The following PRKAR2A variants were observed in gnomAD, a reference collection of about 807,000 sequenced individuals.
The protein encoded by PRKAR2A is cAMP-dependent protein kinase type II-alpha regulatory subunit.
Under a neutral mutation model 51.9 loss-of-function variants are expected in PRKAR2A, and 29 were observed. The ratio of observed to expected loss-of-function variants is 0.56; its 90% CI spans 0.42 to 0.76. PRKAR2A has a LOEUF of 0.76. PRKAR2A is among the 30% of genes least tolerant of loss of function. The pLI, the probability that PRKAR2A is intolerant of heterozygous loss-of-function variation, is 0.00. For synonymous variants in PRKAR2A, 178 were observed against 186.2 expected (o/e 0.96, Z 0.36); for missense variants, 445 against 512.1 (o/e 0.87, Z 1.26).
In PRKAR2A at chr3:48,751,535, G is replaced by C. The variant is rs2081647385; in HGVS notation, c.*50C>G. ...TGTTTTCTGTATGTGTTCTGTGGCT[G>C]ACCAGAAGGTTTTGGTGTCACACTA... is the stretch of plus-strand genomic sequence containing the variant. On this transcript the variant is annotated 3_prime_UTR_variant, in exon 11 of 11. Coordinates refer to ENST00000265563, the MANE Select transcript of PRKAR2A (RefSeq NM_004157.4). 6.2e-7 allele frequency: 1 copy of C among 1,602,134 alleles called. No homozygotes were observed. Among genetic ancestry groups the C allele is most frequent in the Non-Finnish European group, 8.5e-7 (1 of 1,172,074 alleles).
chr3:48,835,065 G>A (rs1254479291), intron 1 of PRKAR2A, among the ~76,000 whole-genome samples: 4 of 150,638 alleles, frequency 2.7e-5, no homozygotes, highest in African/African-American at 9.8e-5. Flanking sequence ...TCCGCCTCCC[G>A]GGTTCAAGTG....
chr3:48,815,946 A>C (rs2082867547), intron 1 of PRKAR2A, among the ~76,000 whole-genome samples: 1 of 148,836 alleles, frequency 6.7e-6, no homozygotes, highest in Non-Finnish European at 1.5e-5. Flanking sequence ...TTGAACCCAG[A>C]AGGTGGTGGT....
At chr3:48,789,487 T>C (rs1410174117) in intron 4 of PRKAR2A, among the ~76,000 whole-genome samples, 1 of 151,382 alleles carries the variant, frequency 6.6e-6, no homozygotes, top group African/African-American at 2.4e-5. Flanking sequence ...TCATTCTTAT[T>C]CTATTTTTTT....
At chr3:48,769,248 C>T (rs1330315948) in intron 6 of PRKAR2A, among the ~76,000 whole-genome samples, 1 of 150,536 alleles carries the variant, frequency 6.6e-6, no homozygotes, top group Non-Finnish European at 1.5e-5. Context: ...AGCTCCGCCT[C>T]CCTGGTTCAC....
intron 3 of PRKAR2A, among the ~76,000 whole-genome samples, chr3:48,791,265 G>A (rs539643213): frequency 2.8e-5 from 3 of 108,378 alleles, no homozygotes; most frequent in Non-Finnish European, 5.2e-5. Context: ...CCAGCCTAGC[G>A]ACAGAGAGAG....
intron 6 of PRKAR2A, 120 bp downstream of exon 6, chr3:48,772,835 G>T: frequency 9.5e-7 from 1 of 1,052,194 alleles, no homozygotes; most frequent in Non-Finnish European, 1.3e-6. Context: ...GTAGAGATGG[G>T]GTTTCACCGT....
rs144817855 is a variant in PRKAR2A, at chr3:48,774,128, C to T, written c.543-1020G>A. The stretch of plus-strand genomic sequence containing the variant: ...GATTAAAGGCATGAGCCACCATGCC[C>T]GGCCTAATTTTTTTTCTTTTATTAA... On this transcript the variant is annotated intron_variant, in intron 5 of 10. Coordinates refer to ENST00000265563, the MANE Select transcript of PRKAR2A (RefSeq NM_004157.4). Among the ~76,000 whole-genome samples the T allele has an allele frequency of 3.9e-3, 591 of 152,088 alleles. 3 individuals carry two copies. The highest frequency in any genetic ancestry group is 5.6e-3 in the Non-Finnish European group (378 of 68,014).
At chr3:48,755,804 AG>A in intron 9 of PRKAR2A, among the ~76,000 whole-genome samples, 1 of 102,586 alleles carries the variant, frequency 9.7e-6, no homozygotes, top group South Asian at 3.0e-4. Context: ...TTTTTGACGG[AG>A]TCTCGCTCTG....
At chr3:48,840,266 G>A (rs2083355490) in intron 1 of PRKAR2A, among the ~76,000 whole-genome samples, 1 of 152,056 alleles carries the variant, frequency 6.6e-6, no homozygotes, top group African/African-American at 2.4e-5. Context: ...GAGGCGGGAC[G>A]GGTGGATCAC....
intron 9 of PRKAR2A, among the ~76,000 whole-genome samples, chr3:48,755,868 TCCGGTGTTCATGC>T (rs2081754488): frequency 6.7e-6 from 1 of 149,962 alleles, no homozygotes; most frequent in Admixed American, 6.7e-5. Context: ...AAGCTCTGCC[TCCGGTGTTCATGC>T]CATTCTCCTG....
At chr3:48,816,563 G>A (rs1472571576) in intron 1 of PRKAR2A, among the ~76,000 whole-genome samples, 1 of 151,790 alleles carries the variant, frequency 6.6e-6, no homozygotes, top group African/African-American at 2.4e-5. Context: ...GCTTGAACCT[G>A]GGAGGTGGGG....
At chr3:48,801,981 T>C (rs1468427998) in intron 2 of PRKAR2A, among the ~76,000 whole-genome samples, 36 of 152,016 alleles carry the variant, frequency 2.4e-4, no homozygotes, top group African/African-American at 8.0e-4. Flanking sequence ...ACGATCTCGG[T>C]TCACTGCAAA....
chr3:48,762,228 G>A (rs1377795163), intron 8 of PRKAR2A, among the ~76,000 whole-genome samples: 1 of 151,888 alleles, frequency 6.6e-6, no homozygotes, highest in East Asian at 1.9e-4. Flanking sequence ...AGACCAGGCT[G>A]GGCAATATAG....
intron 7 of PRKAR2A, 81 bp from the exon 8 acceptor site, chr3:48,765,159 G>T (rs2081922570): frequency 3.9e-6 from 6 of 1,539,262 alleles, no homozygotes; most frequent in Non-Finnish European, 5.4e-6. Context: ...AATAGGATTA[G>T]AATAGTATGA....
chr3:48,781,690 T>C (rs1038319864), intron 5 of PRKAR2A, among the ~76,000 whole-genome samples: 5 of 152,044 alleles, frequency 3.3e-5, no homozygotes, highest in Non-Finnish European at 5.9e-5. Flanking sequence ...TTTTTGTATT[T>C]TTAGTAGAGA....
intron 1 of PRKAR2A, among the ~76,000 whole-genome samples, chr3:48,842,036 T>C (rs1435185531): frequency 1.3e-5 from 2 of 152,232 alleles, no homozygotes; most frequent in Non-Finnish European, 2.9e-5. Flanking sequence ...TGATTCTTCC[T>C]ATCCATGAGC....
intron 1 of PRKAR2A, among the ~76,000 whole-genome samples, chr3:48,822,972 T>C (rs1011648946): frequency 6.6e-6 from 1 of 152,122 alleles, no homozygotes; most frequent in Non-Finnish European, 1.5e-5. Flanking sequence ...TTTTAAACAA[T>C]TATGAAATTA....
chr3:48,826,405 G>A lies in PRKAR2A; in HGVS notation c.263-18721C>T, dbSNP rs1018583853. Among the ~76,000 whole-genome samples, 55 of 152,226 alleles carry A rather than the reference G, an allele frequency of 3.6e-4. 1 individual carries two copies. The highest frequency in any genetic ancestry group is 7.7e-4 in the African/African-American group (32 of 41,550). ...GGGCCAGTGAAATGAAGAGACATAC[G>A]GCAAGGTCTGTAAGGGTCCTGAACA... On this transcript the variant is annotated intron_variant, in intron 1 of 10. Coordinates refer to ENST00000265563, the MANE Select transcript of PRKAR2A (RefSeq NM_004157.4).
chr3:48,809,406 C>T (rs1346192055), intron 1 of PRKAR2A, among the ~76,000 whole-genome samples: 1 of 151,450 alleles, frequency 6.6e-6, no homozygotes, highest in African/African-American at 2.4e-5. Context: ...GCCTGGCAAA[C>T]ATGGTGAAAC....
Sources: gnomAD v4.1 joint callset for allele counts (sites outside exome capture counted in the v4.1 genomes callset) on GRCh38, gnomAD v4.1.1 for gene constraint, MANE v1.5 for transcripts, NCBI Gene and HGNC (gene_info 2026-07-23, HGNC 2026-07-21) for gene names.